Variants in ROR1 observed in about 807,000 individuals in gnomAD.
ROR1 encodes the protein inactive tyrosine-protein kinase transmembrane receptor ROR1.
Under a neutral mutation model 78.8 loss-of-function variants are expected in ROR1, and 19 were observed. The observed-to-expected ratio is 0.24, with a 90% CI of 0.17 to 0.35. The LOEUF (loss-of-function observed/expected upper bound fraction) is 0.35. Ranked by LOEUF, ROR1 falls within the 10% of genes least tolerant of loss-of-function variation. The probability of loss-of-function intolerance (pLI) is 1.00; values close to 1 mark genes in which losing one functional copy is unlikely to be tolerated. For synonymous variants in ROR1, 386 were observed against 433.6 expected (o/e 0.89, Z 1.36); for missense variants, 917 against 1,177.8 (o/e 0.78, Z 3.24).
intron 7 of ROR1, among the ~76,000 whole-genome samples, chr1:64,157,992 ATCAG>A (rs1649822133): frequency 6.6e-6 from 1 of 152,202 alleles, no homozygotes; most frequent in Admixed American, 6.5e-5. Flanking sequence ...GATCTTCGTT[ATCAG>A]GGCATGTCAT....
chr1:63,798,030 T>G (rs1644772170), intron 1 of ROR1, among the ~76,000 whole-genome samples: 5 of 152,210 alleles, frequency 3.3e-5, no homozygotes, highest in Admixed American at 3.3e-4. Flanking sequence ...GCCCATGCCA[T>G]GCCAGCCAGC....
At chr1:63,821,736 G>T (rs896809140) in intron 1 of ROR1, among the ~76,000 whole-genome samples, 1 of 152,194 alleles carries the variant, frequency 6.6e-6, no homozygotes, top group Non-Finnish European at 1.5e-5. Flanking sequence ...ATTTCTCTGT[G>T]GCATGATACT....
intron 4 of ROR1, among the ~76,000 whole-genome samples, chr1:64,052,213 A>C (rs1569634701): frequency 4.2e-5 from 6 of 141,762 alleles, no homozygotes; most frequent in Admixed American, 3.6e-4. Flanking sequence ...CAATGGTCTC[A>C]CCATTGGTTA....
intron 1 of ROR1, among the ~76,000 whole-genome samples, chr1:63,948,764 G>C (rs934518888): frequency 2.0e-5 from 3 of 152,124 alleles, no homozygotes; most frequent in Admixed American, 6.6e-5. Flanking sequence ...GGCCCAGAAA[G>C]CTCCCTTATT....
At chr1:64,143,267 C>G in intron 7 of ROR1, 2 of 981,340 alleles carry the variant, frequency 2.0e-6, no homozygotes, top group Non-Finnish European at 2.4e-6. Context: ...TACCTGTAAT[C>G]CCAACACTCT....
chr1:64,094,569 TTTTTGTTTTG>T (rs147122412), intron 4 of ROR1: 90,578 of 150,898 alleles, frequency 0.6, 28,587 homozygotes, highest in African/African-American at 0.8. Flanking sequence ...TGTTTTGTTG[TTTTTGTTTTG>T]TTTTGTTTTG....
chr1:64,029,595 C>A (rs1320750832), intron 2 of ROR1, among the ~76,000 whole-genome samples: 1 of 152,220 alleles, frequency 6.6e-6, no homozygotes, highest in African/African-American at 2.4e-5. Flanking sequence ...GGCTCTCTTT[C>A]TGCCTTACAG....
chr1:63,853,259 C>T (rs1015007101), intron 1 of ROR1, among the ~76,000 whole-genome samples: 1 of 152,142 alleles, frequency 6.6e-6, no homozygotes, highest in Non-Finnish European at 1.5e-5. Flanking sequence ...TCAGCTAGTT[C>T]ATTCTCAAAA....
chr1:63,952,888 A>T (rs1163127031), intron 1 of ROR1, among the ~76,000 whole-genome samples: 1 of 152,130 alleles, frequency 6.6e-6, no homozygotes, highest in African/African-American at 2.4e-5. Flanking sequence ...GGGAAAGGGC[A>T]GTGGTAAAGT....
chr1:64,103,425 T>C (rs1647652674), intron 4 of ROR1, among the ~76,000 whole-genome samples: 2 of 151,998 alleles, frequency 1.3e-5, no homozygotes, highest in South Asian at 4.1e-4. Context: ...CAAAACTTCA[T>C]TAAGCTGCTT....
At chr1:63,836,321 A>G (rs1645018501) in intron 1 of ROR1, among the ~76,000 whole-genome samples, 1 of 152,204 alleles carries the variant, frequency 6.6e-6, no homozygotes, top group African/African-American at 2.4e-5. Context: ...ATCTTAAATC[A>G]TTTTTAGGAC....
intron 1 of ROR1, among the ~76,000 whole-genome samples, chr1:63,821,143 T>C (rs908297600): frequency 3.3e-5 from 5 of 152,220 alleles, no homozygotes; most frequent in Non-Finnish European, 7.3e-5. Context: ...AGTGTTCACA[T>C]TGTACCTAGA....
At chr1:63,948,252 A>G (rs1414716147) in intron 1 of ROR1, among the ~76,000 whole-genome samples, 2 of 152,214 alleles carry the variant, frequency 1.3e-5, no homozygotes, top group Non-Finnish European at 2.9e-5. Context: ...ATGTTTTACA[A>G]TAGATACTAT....
chr1:63,863,342 G>A (rs761231795), intron 1 of ROR1, among the ~76,000 whole-genome samples: 3 of 152,192 alleles, frequency 2.0e-5, no homozygotes, highest in Non-Finnish European at 4.4e-5. Flanking sequence ...GTCAAGTCTA[G>A]TGAAAGGAGG....
At chr1:64,001,600 C>G (rs1646383514) in intron 1 of ROR1, among the ~76,000 whole-genome samples, 1 of 152,138 alleles carries the variant, frequency 6.6e-6, no homozygotes, top group African/African-American at 2.4e-5. Context: ...CTTTTGATGT[C>G]TTATGGAGAC....
chr1:63,846,240 C>G (rs980021586), intron 1 of ROR1, among the ~76,000 whole-genome samples: 2 of 151,344 alleles, frequency 1.3e-5, no homozygotes, highest in Admixed American at 1.3e-4. Context: ...CCCCTCACAT[C>G]TGTTTTCAGC....
chr1:63,953,860 G>A (rs1444890265), intron 1 of ROR1, among the ~76,000 whole-genome samples: 1 of 152,052 alleles, frequency 6.6e-6, no homozygotes, highest in African/African-American at 2.4e-5. Flanking sequence ...ATAATATGAA[G>A]GTCTTCAGCA....
At chr1:63,982,725 A>G (rs923417199) in intron 1 of ROR1, among the ~76,000 whole-genome samples, 2 of 152,178 alleles carry the variant, frequency 1.3e-5, no homozygotes, top group African/African-American at 4.8e-5. Flanking sequence ...GTAGCTTTCA[A>G]GGAGTTGAAT....
chr1:63,892,959 A>G (rs1273816798), intron 1 of ROR1, among the ~76,000 whole-genome samples: 1 of 152,134 alleles, frequency 6.6e-6, no homozygotes, highest in Admixed American at 6.6e-5. Context: ...ATGTGTTTGG[A>G]TTTATCAAGT....
Sources: allele counts gnomAD v4.1 joint callset (sites outside exome capture counted in the v4.1 genomes callset), GRCh38; gene constraint gnomAD v4.1.1; transcripts MANE v1.5; gene names NCBI Gene and HGNC (gene_info 2026-07-23, HGNC 2026-07-21).